The following AZIN2 variants were observed in gnomAD, a reference collection of about 807,000 sequenced individuals.
The protein encoded by AZIN2 is ODC antizyme inhibitor-2.
A neutral mutation model predicts 47.8 loss-of-function variants in AZIN2; 28 were observed. That is an observed-to-expected ratio of 0.59 (90% CI 0.43 to 0.80). The LOEUF (loss-of-function observed/expected upper bound fraction) is 0.80. Among genes scored for constraint, AZIN2 ranks in the 30% least tolerant of loss-of-function variants. The probability of loss-of-function intolerance (pLI) is 0.00; values close to 1 mark genes in which losing one functional copy is unlikely to be tolerated. For synonymous variants in AZIN2, 221 were observed against 239.4 expected (o/e 0.92, Z 0.71); for missense variants, 535 against 582.5 (o/e 0.92, Z 0.84).
chr1:33,112,683 C>A (rs1010186137), intron 10 of AZIN2, among the ~76,000 whole-genome samples: 1 of 152,120 alleles, frequency 6.6e-6, no homozygotes, highest in African/African-American at 2.4e-5. Flanking sequence ...CACAGATATT[C>A]ATTTTATTGT....
At chr1:33,103,851 C>T (rs1337212898) in intron 10 of AZIN2, among the ~76,000 whole-genome samples, 2 of 151,658 alleles carry the variant, frequency 1.3e-5, no homozygotes, top group African/African-American at 4.8e-5. Context: ...ACTTGGCATA[C>T]AGTAGGTTCA....
the AZIN2 span, among the ~76,000 whole-genome samples, chr1:33,138,626 CAAAA>C: frequency 7.6e-5 from 5 of 66,098 alleles, no homozygotes; most frequent in African/African-American, 9.4e-5. Flanking sequence ...ACAACAACAA[CAAAA>C]AAAAAAAAAA....
At chr1:33,128,335 G>C (rs1391103864), downstream of AZIN2, among the ~76,000 whole-genome samples, 4 of 152,122 alleles carry the variant, frequency 2.6e-5, no homozygotes, top group Non-Finnish European at 5.9e-5. Flanking sequence ...CGTGAGTGGG[G>C]CACTGCACTC....
At chr1:33,162,673 C>T in the AZIN2 span, among the ~76,000 whole-genome samples, 4 of 151,988 alleles carry the variant, frequency 2.6e-5, no homozygotes, top group Admixed American at 6.5e-5. Context: ...GTCTCAAGGA[C>T]GAGAGAGGAT....
chr1:33,094,764 G>A, intron 8 of AZIN2, 51 bp downstream of exon 8: 2 of 1,601,054 alleles, frequency 1.2e-6, no homozygotes, highest in Non-Finnish European at 1.7e-6. Flanking sequence ...GGGGAGGATA[G>A]GGAGGGATTA....
chr1:33,138,626 C>CAA, the AZIN2 span, among the ~76,000 whole-genome samples: 239 of 66,096 alleles, frequency 3.6e-3, no homozygotes, highest in Middle Eastern at 0.016. Flanking sequence ...ACAACAACAA[C>CAA]AAAAAAAAAA....
chr1:33,136,289 C>T, the AZIN2 span, among the ~76,000 whole-genome samples: 30 of 149,530 alleles, frequency 2.0e-4, no homozygotes, highest in African/African-American at 6.4e-4. Flanking sequence ...CTCTTCCTTT[C>T]CTTTCTTTCT....
chr1:33,082,128 C>CT, intron 3 of AZIN2, 50 bp from the exon 4 acceptor site: 1 of 803,244 alleles, frequency 1.2e-6, no homozygotes. Context: ...GCGAGTGGGG[C>CT]AGCAGAGCCG....
chr1:33,134,212 A>T, the AZIN2 span, among the ~76,000 whole-genome samples: 1 of 152,216 alleles, frequency 6.6e-6, no homozygotes, highest in Admixed American at 6.5e-5. Flanking sequence ...TTTAGCTGTC[A>T]TTAGGCATTA....
chr1:33,158,513 T>C, the AZIN2 span: 5 of 642,272 alleles, frequency 7.8e-6, no homozygotes, highest in Non-Finnish European at 1.4e-5. Flanking sequence ...AGTGCCTGCT[T>C]GTGCTGCTTC....
the AZIN2 span, chr1:33,147,383 T>G: frequency 6.2e-7 from 1 of 1,614,174 alleles, no homozygotes; most frequent in Non-Finnish European, 8.5e-7. This position sits in a 1 kb window ranked among gnomAD's most constrained non-coding sequence, Gnocchi z 8.1. Context: ...TCCCGGACGT[T>G]AAGCCGCGTC....
chr1:33,110,973 T>G (rs560829506), intron 10 of AZIN2, among the ~76,000 whole-genome samples: 2 of 152,324 alleles, frequency 1.3e-5, no homozygotes, highest in African/African-American at 4.8e-5. Context: ...AAGGCTGATA[T>G]TGAAACCTTT....
chr1:33,127,423 C>T (rs1182161820), downstream of AZIN2, among the ~76,000 whole-genome samples: 2 of 152,254 alleles, frequency 1.3e-5, no homozygotes, highest in African/African-American at 4.8e-5. Flanking sequence ...CAGGGAAGTC[C>T]ATTGGTTGAA....
downstream of AZIN2, among the ~76,000 whole-genome samples, chr1:33,125,961 AG>A (rs1367152500): frequency 2.6e-5 from 4 of 152,202 alleles, no homozygotes; most frequent in Non-Finnish European, 4.4e-5. Context: ...CAGGAATTTG[AG>A]GCCAGCCTGG....
downstream of AZIN2, among the ~76,000 whole-genome samples, chr1:33,126,407 T>C (rs972451437): frequency 5.3e-5 from 8 of 152,232 alleles, no homozygotes; most frequent in African/African-American, 1.9e-4. Flanking sequence ...CTAATCCTAT[T>C]GATTCCATAA....
At chr1:33,130,238 T>C in the AZIN2 span, among the ~76,000 whole-genome samples, 2 of 152,340 alleles carry the variant, frequency 1.3e-5, no homozygotes, top group Admixed American at 1.3e-4. Context: ...CCTTAATGAT[T>C]TCACATCCCA....
intron 8 of AZIN2, among the ~76,000 whole-genome samples, chr1:33,095,601 T>A (rs1643065898): frequency 6.6e-6 from 1 of 152,186 alleles, no homozygotes. Context: ...TTTTCTGTAT[T>A]TTCTGAATTT....
At chr1:33,086,563 C>T (rs1315182669) in intron 5 of AZIN2, among the ~76,000 whole-genome samples, 1 of 152,208 alleles carries the variant, frequency 6.6e-6, no homozygotes, top group Non-Finnish European at 1.5e-5. Flanking sequence ...TAGTGGGTGG[C>T]CATGCTTAAC....
chr1:33,135,777 A>G, the AZIN2 span, among the ~76,000 whole-genome samples: 6 of 152,192 alleles, frequency 3.9e-5, no homozygotes, highest in East Asian at 3.9e-4. Flanking sequence ...CCTATGTGCT[A>G]TCTTTGCCTG....
Sources: gnomAD v4.1 joint callset for allele counts (sites outside exome capture counted in the v4.1 genomes callset) on GRCh38, gnomAD v4.1.1 for gene constraint, Gnocchi (gnomAD v3.1) non-coding constraint, MANE v1.5 for transcripts, NCBI Gene and HGNC (gene_info 2026-07-23, HGNC 2026-07-21) for gene names.